Variants in RNF214 observed in about 807,000 individuals in gnomAD.
RNF214 encodes ring finger protein 214.
In RNF214, 25 loss-of-function variants were observed where a neutral mutation model predicts 75.9. The observed-to-expected ratio is 0.33, with a 90% confidence interval of 0.24 to 0.46. The LOEUF (loss-of-function observed/expected upper bound fraction) is 0.46. Ranked by LOEUF, RNF214 falls within the 20% of genes least tolerant of loss-of-function variation. The probability of loss-of-function intolerance (pLI) is 1.00; values close to 1 mark genes in which losing one functional copy is unlikely to be tolerated. For missense variants in RNF214, 725 were observed against 857.5 expected, an observed-to-expected ratio of 0.85 and a Z score of 1.93; for synonymous variants, 314 against 308.8, an observed-to-expected ratio of 1.02 and a Z score of -0.18.
Position 117,234,321 on chromosome 11 carries a change from C to T in RNF214, c.49C>T (p.Pro17Ser), listed in dbSNP as rs771091142. The change falls in exon 2 of 15, where the codon CCG becomes TCG. Residue 17 changes from proline (P) to serine (S), a missense_variant. By Grantham distance (74) the Pro-to-Ser change is moderately conservative. Coordinates refer to ENST00000300650, the MANE Select transcript of RNF214 (RefSeq NM_207343.4). ...TGTTGTGGCCAATGCCCCCAGTCCT[C>T]CGGAATCTTCTAGTTTATGTGCTTC... Reference protein sequence around the residue: ...AGVVANAPSPPESSSLCASKS... With the variant: ...AGVVANAPSPSESSSLCASKS... 6 of 1,614,220 alleles carry T rather than the reference C, an allele frequency of 3.7e-6. No individual in the cohort carries two copies. The East Asian group carries it at 1.1e-4, about 30-fold the overall frequency.
intron 12 of RNF214, 72 bp from the exon 13 acceptor site, chr11:117,282,674 A>C: frequency 1.3e-6 from 2 of 1,553,616 alleles, no homozygotes; most frequent in Non-Finnish European, 1.8e-6. Flanking sequence ...GGACTGGGAA[A>C]TAAGTGATTT....
intron 6 of RNF214, among the ~76,000 whole-genome samples, chr11:117,274,760 C>T (rs1465170575): frequency 2.6e-5 from 4 of 151,932 alleles, no homozygotes; most frequent in East Asian, 1.9e-4. Flanking sequence ...CTGCAACCTC[C>T]GCTTCCCGGG....
At chr11:117,282,924 G>A (rs914959915) in intron 13 of RNF214, 74 bp downstream of exon 13, 4 of 1,219,560 alleles carry the variant, frequency 3.3e-6, no homozygotes, top group Non-Finnish European at 4.8e-6. Flanking sequence ...TACAGGTGGA[G>A]TGCAGGAAGA....
chr11:117,282,879 A>G, intron 13 of RNF214, 29 bp downstream of exon 13: 1 of 1,533,892 alleles, frequency 6.5e-7, no homozygotes, highest in Non-Finnish European at 9.0e-7. Flanking sequence ...GAACACTGTG[A>G]TATGGAGAAG....
rs541537724 is a variant in RNF214 at position 117,260,533 on chromosome 11, C to T, written c.959+13585C>T. ...ATACTACATTACACTGTCTGCTGGG[C>T]ATGGTGGCTCATGCCTGTAATCCCA... is the stretch of plus-strand genomic sequence containing the variant. On this transcript the variant is annotated intron_variant, in intron 6 of 14. Transcript: ENST00000300650. Among the ~76,000 whole-genome samples the T allele has an allele frequency of 1.1e-4, 17 of 152,130 alleles. No individual in the cohort carries two copies. In the East Asian group the frequency reaches 3.3e-3, roughly 30 times the overall value.
chr11:117,245,608 C>T (rs753801200), intron 5 of RNF214, among the ~76,000 whole-genome samples: 1 of 152,066 alleles, frequency 6.6e-6, no homozygotes, highest in Non-Finnish European at 1.5e-5. Context: ...CCCCAAAGTG[C>T]TGGGATTACA....
At chr11:117,239,164 A>C in intron 3 of RNF214, 53 bp downstream of exon 3, 1 of 1,167,928 alleles carries the variant, frequency 8.6e-7, no homozygotes, top group Non-Finnish European at 1.2e-6. Context: ...GGTGGGGTTC[A>C]GGGTGGGAGA....
rs1282670694 is a variant in RNF214 at position 117,244,457 on chromosome 11, A to C, written c.691A>C (p.Thr231Pro). Reference protein sequence around the residue: ...DIEKNLDKMMTERTLLKERYQ... With the variant: ...DIEKNLDKMMPERTLLKERYQ... ...TTGTTCATAATAGGATAAAATGATG[A>C]CAGAGAGAACCCTGTTGAAAGAGCG... Residue 231 changes from threonine to proline, a missense_variant, in exon 5 of 15, where the codon ACA becomes CCA. Around this residue, in one of 2 missense-constraint regions of RNF214, gnomAD observed 362 missense variants for 344.5 expected, o/e 1.05. Coordinates refer to ENST00000300650, the MANE Select transcript of RNF214 (RefSeq NM_207343.4). 1 of 1,608,966 alleles carries C rather than the reference A, an allele frequency of 6.2e-7. No homozygotes were observed. The highest frequency in any genetic ancestry group is 8.5e-7 in the Non-Finnish European group (1 of 1,178,276).
chr11:117,250,611 T>TATTA (rs1555053704), intron 6 of RNF214, among the ~76,000 whole-genome samples: 27 of 22,768 alleles, frequency 1.2e-3, no homozygotes, highest in African/African-American at 0.01. Flanking sequence ...ATTTATTTAT[T>TATTA]TTTTTTTTAA....
chr11:117,278,484 G>T (rs1238438154), intron 6 of RNF214, among the ~76,000 whole-genome samples: 2 of 152,128 alleles, frequency 1.3e-5, no homozygotes, highest in Non-Finnish European at 2.9e-5. Context: ...AAATTCCTTT[G>T]CTGGCTGTGT....
intron 4 of RNF214, among the ~76,000 whole-genome samples, chr11:117,242,434 G>GT (rs757965164): frequency 3.3e-5 from 5 of 152,200 alleles, no homozygotes; most frequent in Non-Finnish European, 7.3e-5. Context: ...GGACTTAATT[G>GT]TAACAGTCAA....
In RNF214 at chr11:117,285,769, T is replaced by C. The variant is rs1473243561; in HGVS notation, c.*618T>C. 1.3e-5 allele frequency: 2 copies of C among 152,314 alleles called. No homozygotes were observed. Among genetic ancestry groups the C allele is most frequent in the African/African-American group, 4.8e-5 (2 of 41,450 alleles). The allele number at this position is 152,314 out of a possible 1,614,324, so 9.4% of individuals were successfully genotyped here. A position where few individuals can be genotyped will look rare whatever the true frequency, so the allele number is the denominator to read the frequency against. ...TACAGACATTAGGTTTACAGAATATTCTGTTTTACATCACCAAAATTCACA... is the reference window on the plus strand; with the variant it reads ...TACAGACATTAGGTTTACAGAATATCCTGTTTTACATCACCAAAATTCACA... On this transcript the variant is annotated 3_prime_UTR_variant, in exon 15 of 15. Coordinates refer to ENST00000300650, the MANE Select transcript of RNF214 (RefSeq NM_207343.4).
intron 6 of RNF214, among the ~76,000 whole-genome samples, chr11:117,252,721 T>A (rs567502063): frequency 6.6e-5 from 10 of 152,052 alleles, no homozygotes; most frequent in Middle Eastern, 3.4e-3. Context: ...GGGGTTTCAC[T>A]GTGTTAGCCA....
intron 12 of RNF214, 99 bp from the exon 13 acceptor site, chr11:117,282,647 T>TG: frequency 1.3e-6 from 2 of 1,549,336 alleles, no homozygotes; most frequent in Non-Finnish European, 1.8e-6. Context: ...GTAGCTAGTC[T>TG]GCTTTTTTCC....
intron 6 of RNF214, among the ~76,000 whole-genome samples, chr11:117,276,019 A>G (rs1209767485): frequency 6.6e-6 from 1 of 152,240 alleles, no homozygotes; most frequent in Non-Finnish European, 1.5e-5. Flanking sequence ...ATTGAACAGC[A>G]TATCAAAAAG....
At chr11:117,274,630 A>G (rs1484777313) in intron 6 of RNF214, among the ~76,000 whole-genome samples, 3 of 150,500 alleles carry the variant, frequency 2.0e-5, no homozygotes, top group Non-Finnish European at 4.4e-5. Context: ...TGGCCTCCCA[A>G]AGTTCTGGGA....
chr11:117,269,770 G>A (rs2033870450), intron 6 of RNF214, among the ~76,000 whole-genome samples: 2 of 152,058 alleles, frequency 1.3e-5, no homozygotes, highest in South Asian at 2.1e-4. Context: ...TTTGACTTAC[G>A]ATTTTTCCAC....
At chr11:117,265,876 C>T (rs1475955457) in intron 6 of RNF214, among the ~76,000 whole-genome samples, 1 of 152,196 alleles carries the variant, frequency 6.6e-6, no homozygotes, top group South Asian at 2.1e-4. Flanking sequence ...CTACAATGCT[C>T]CCTGTATTCA....
At position 117,282,066 on chromosome 11, in the gene RNF214, T is replaced by A. The variant is rs1386253333; in HGVS notation, c.1508T>A (p.Leu503His). The change falls in exon 11 of 15, where the codon CTT (leucine) becomes CAT (histidine). Residue 503 changes from leucine to histidine, a missense_variant. By Grantham distance (99) the Leu-to-His change is moderately conservative. Around this residue, in one of 2 missense-constraint regions of RNF214, gnomAD observed 363 missense variants for 513.0 expected, o/e 0.71. Coordinates refer to ENST00000300650, the MANE Select transcript of RNF214 (RefSeq NM_207343.4). ...LSQPSQPSSP[L>H]PGSHGRNSPG... ...CAGCCCAGCCAGCCTTCCTCACCCC[T>A]TCCTGGCTCCCATGGCAGAAATAGC... is the stretch of plus-strand genomic sequence containing the variant. The A allele has an allele frequency of 3.1e-6, 5 of 1,614,074 alleles. No homozygotes were observed. The highest frequency in any genetic ancestry group is 3.4e-6 in the Non-Finnish European group (4 of 1,179,998).
Sources: allele counts gnomAD v4.1 joint callset (sites outside exome capture counted in the v4.1 genomes callset), GRCh38; gene constraint gnomAD v4.1.1; regional missense constraint gnomAD v4.1.1; transcripts MANE v1.5; gene names NCBI Gene and HGNC (gene_info 2026-07-23, HGNC 2026-07-21).